SOX6: variants seen among roughly 807,000 people sequenced by gnomAD.
SOX6 encodes transcription factor SOX-6.
In SOX6, 11 loss-of-function variants were observed where a neutral mutation model predicts 97.8. The observed-to-expected ratio is 0.11, with a 90% CI of 0.07 to 0.19. SOX6 has a LOEUF of 0.19. Ranked by LOEUF, SOX6 falls within the 10% of genes least tolerant of loss-of-function variation. The probability of loss-of-function intolerance (pLI) is 1.00; values close to 1 mark genes in which losing one functional copy is unlikely to be tolerated. For synonymous variants in SOX6, 360 were observed against 371.4 expected (o/e 0.97, Z 0.35); for missense variants, 810 against 1,039.5 (o/e 0.78, Z 3.04).
chr11:16,277,696 G>A (rs1376276771), intron 3 of SOX6, among the ~76,000 whole-genome samples: 1 of 152,168 alleles, frequency 6.6e-6, no homozygotes, highest in Non-Finnish European at 1.5e-5. Flanking sequence ...TTTGGATCAG[G>A]AGTGAAGATA....
rs537620022 is a variant in SOX6, at chr11:16,467,596, G to T, written c.-5+8719C>A. 1.5e-3 allele frequency among the ~76,000 whole-genome samples: 229 copies of T among 152,254 alleles called. 1 individual carries two copies. The highest frequency in any genetic ancestry group is 2.6e-3 in the Admixed American group (39 of 15,290). On this transcript the variant is annotated intron_variant, in intron 1 of 15. Transcript: ENST00000396356. The stretch of plus-strand genomic sequence containing the variant: ...TGAGAGCTAAGTGATGAGAACACAT[G>T]GACACATAGAGGGGAACAACACACA...
chr11:16,096,285 C>T (rs1848792400), intron 8 of SOX6, among the ~76,000 whole-genome samples, 167 bp from the exon 9 acceptor site: 1 of 151,812 alleles, frequency 6.6e-6, no homozygotes, highest in South Asian at 2.1e-4. Flanking sequence ...GTTACAGTAT[C>T]AAACAGTGGC....
chr11:16,026,467 T>G (rs887018585), intron 12 of SOX6, among the ~76,000 whole-genome samples: 1 of 152,112 alleles, frequency 6.6e-6, no homozygotes, highest in Non-Finnish European at 1.5e-5. Flanking sequence ...AGGGAACACA[T>G]TTTCATCTGA....
intron 3 of SOX6, chr11:16,283,952 AT>A (rs1158060172): frequency 7.3e-6 from 3 of 410,034 alleles, no homozygotes; most frequent in African/African-American, 6.4e-5. Context: ...AATTCAGAGT[AT>A]AATTATGCAC....
chr11:16,219,950 C>A (rs570755267), intron 4 of SOX6, among the ~76,000 whole-genome samples: 1 of 152,098 alleles, frequency 6.6e-6, no homozygotes, highest in South Asian at 2.1e-4. Context: ...TTTCAAAAAC[C>A]AGCTATGTAT....
At chr11:16,143,039 C>T (rs530731467) in intron 6 of SOX6, among the ~76,000 whole-genome samples, 6 of 152,212 alleles carry the variant, frequency 3.9e-5, no homozygotes, top group African/African-American at 1.4e-4. Context: ...AACTCCAAGA[C>T]ACATAATTGT....
chr11:16,547,188 A>G (rs563364132), intron 4 of SOX6, among the ~76,000 whole-genome samples: 1 of 152,276 alleles, frequency 6.6e-6, no homozygotes, highest in South Asian at 2.1e-4. Flanking sequence ...TACAACCACT[A>G]TGGAAAACAG....
chr11:16,507,024 A>G (rs1860798975), intron 4 of SOX6, among the ~76,000 whole-genome samples: 1 of 152,138 alleles, frequency 6.6e-6, no homozygotes, highest in South Asian at 2.1e-4. Flanking sequence ...AGATCATACC[A>G]TTGCACTCCA....
chr11:16,440,682 C>T (rs1040869363), intron 1 of SOX6, among the ~76,000 whole-genome samples: 3 of 152,092 alleles, frequency 2.0e-5, no homozygotes, highest in African/African-American at 7.2e-5. Context: ...TTTTGCCCTG[C>T]AGCAAGTTTA....
chr11:16,211,892 T>C (rs896877859), intron 4 of SOX6, among the ~76,000 whole-genome samples: 1 of 152,158 alleles, frequency 6.6e-6, no homozygotes, highest in Non-Finnish European at 1.5e-5. Context: ...ATTTCCAGGT[T>C]TTTTACCTGA....
At chr11:16,184,150 C>G (rs766987025) in intron 5 of SOX6, among the ~76,000 whole-genome samples, 196 bp from the exon 6 acceptor site, 3 of 152,098 alleles carry the variant, frequency 2.0e-5, no homozygotes, top group Non-Finnish European at 2.9e-5. Flanking sequence ...TCTGCTTTAT[C>G]TGTAGGAAAA....
chr11:16,045,466 C>T (rs1190268756), intron 12 of SOX6, among the ~76,000 whole-genome samples: 1 of 152,152 alleles, frequency 6.6e-6, no homozygotes, highest in Non-Finnish European at 1.5e-5. Context: ...CAGAATGATC[C>T]TTTTATATGT....
intron 3 of SOX6, among the ~76,000 whole-genome samples, chr11:16,644,230 G>A (rs1302530631): frequency 1.3e-5 from 2 of 152,108 alleles, no homozygotes; most frequent in African/African-American, 4.8e-5. Flanking sequence ...TATAGACACA[G>A]GGTTTCACCT....
intron 1 of SOX6, among the ~76,000 whole-genome samples, chr11:16,410,759 C>CAAA (rs71044100): frequency 1.2e-3 from 78 of 64,350 alleles, no homozygotes; most frequent in African/African-American, 3.7e-3. Context: ...AACCGGTCTC[C>CAAA]AAAAAAAAAA....
intron 7 of SOX6, among the ~76,000 whole-genome samples, chr11:16,107,410 T>TATAC (rs1849119388): frequency 6.8e-6 from 1 of 146,238 alleles, no homozygotes; most frequent in African/African-American, 2.5e-5. Flanking sequence ...TATATGTATA[T>TATAC]ATATATACAT....
intron 9 of SOX6, among the ~76,000 whole-genome samples, chr11:16,094,318 T>C (rs1197659909): frequency 9.9e-6 from 1 of 100,790 alleles, no homozygotes; most frequent in Non-Finnish European, 2.0e-5. Context: ...GGGTTGGGAG[T>C]GGGGGGTGGG....
chr11:16,537,099 T>C (rs1042395844), intron 4 of SOX6, among the ~76,000 whole-genome samples: 1 of 152,118 alleles, frequency 6.6e-6, no homozygotes, highest in Non-Finnish European at 1.5e-5. Context: ...GGGACAAAGC[T>C]TCCAGAGGAA....
intron 4 of SOX6, among the ~76,000 whole-genome samples, chr11:16,201,506 A>G (rs1430312444): frequency 6.6e-6 from 1 of 150,422 alleles, no homozygotes; most frequent in African/African-American, 2.4e-5. Context: ...ATAAATGTAT[A>G]TATTATATAT....
At position 16,432,835 on chromosome 11, in the gene SOX6, C is replaced by A. The variant is rs1490478737; in HGVS notation, c.-5+43480G>T. On this transcript the variant is annotated intron_variant, in intron 1 of 15. Coordinates refer to the SOX6 transcript ENST00000396356. ...CTAGAAAGCATTGGTAGTAGTAGCC[C>A]ATTTCCTACCAATTCTTAACAAACT... Among the ~76,000 whole-genome samples, 5 of 152,138 alleles carry A rather than the reference C, an allele frequency of 3.3e-5. No individual in the cohort carries two copies. In the East Asian group the frequency reaches 7.7e-4, roughly 23 times the overall value.
Sources: gnomAD v4.1 joint callset for allele counts (sites outside exome capture counted in the v4.1 genomes callset) on GRCh38, gnomAD v4.1.1 for gene constraint, MANE v1.5 for transcripts, NCBI Gene and HGNC (gene_info 2026-07-23, HGNC 2026-07-21) for gene names.